GATA4: variants seen among roughly 807,000 people sequenced by gnomAD.
GATA4 encodes transcription factor GATA-4.
Under a neutral mutation model 37.9 loss-of-function variants are expected in GATA4, and 7 were observed. That is an observed-to-expected ratio of 0.18 (90% confidence interval 0.11 to 0.35). The LOEUF (loss-of-function observed/expected upper bound fraction) is 0.35, where lower values mean the gene tolerates loss of function less well. Among genes scored for constraint, GATA4 ranks in the 10% least tolerant of loss-of-function variants. GATA4 has a pLI of 1.00. For missense variants in GATA4, 647 were observed against 653.0 expected, an observed-to-expected ratio of 0.99 and a Z score of 0.10; for synonymous variants, 372 against 292.6, an observed-to-expected ratio of 1.27 and a Z score of -2.77.
intron 1 of GATA4, chr8:11,681,075 C>T (rs1798954847): frequency 1.0e-6 from 1 of 956,140 alleles, no homozygotes; most frequent in Non-Finnish European, 1.2e-6. Context: ...TTTGGAGGGA[C>T]ATTGAGGGGC....
rs755556215 is a variant in GATA4, at chr8:11,708,957, G to A, written c.616+29G>A. ...AGTAGGAGCGCGAGGGCTGGGGCGC[G>A]TGAGGGCCGGGGCAGGGGCCGTCTT... On this transcript the variant is annotated intron_variant, in intron 2 of 6. Coordinates refer to ENST00000532059, the MANE Select transcript of GATA4 (RefSeq NM_001308093.3). The surrounding 1 kb of genome is among the most constrained non-coding windows in gnomAD (Gnocchi z 6.7). The A allele has an allele frequency of 2.6e-6, 4 of 1,515,584 alleles. No individual in the cohort carries two copies. The South Asian group carries it at 4.9e-5, about 18-fold the overall frequency. The allele number at this position is 1,515,584 out of a possible 1,614,324, so 93.9% of individuals were successfully genotyped here.
At position 11,758,405 on chromosome 8, in the gene GATA4, C is replaced by G. The variant is rs114839964; in HGVS notation, c.1262C>G (p.Thr421Ser). 4.3e-6 allele frequency: 7 copies of G among 1,614,132 alleles called. No homozygotes were observed. Among genetic ancestry groups the G allele is most frequent in the Admixed American group, 1.7e-5 (1 of 60,016 alleles). Reference protein sequence around the residue: ...YASPVSQSPQTSSKQDSWNSL... With the variant: ...YASPVSQSPQSSSKQDSWNSL... ...TCTCCCGTCAGCCAGTCTCCACAGA[C>G]CAGCTCCAAGCAGGACTCTTGGAAC... Residue 421 changes from threonine to serine, a missense_variant, in exon 7 of 7, where the codon ACC becomes AGC. By Grantham distance (58) the Thr-to-Ser change is moderately conservative. Around this residue, in one of 5 missense-constraint regions of GATA4, gnomAD observed 184 missense variants for 157.1 expected, o/e 1.17. Coordinates refer to ENST00000532059, the MANE Select transcript of GATA4 (RefSeq NM_001308093.3).
chr8:11,681,037 G>C, intron 1 of GATA4: 2 of 939,616 alleles, frequency 2.1e-6, no homozygotes, highest in Non-Finnish European at 2.5e-6. Flanking sequence ...GCAAAGCACA[G>C]ATCTAATGCC....
intron 1 of GATA4, chr8:11,697,885 T>C: frequency 1.0e-6 from 1 of 985,438 alleles, no homozygotes; most frequent in Non-Finnish European, 1.2e-6. Context: ...CCGAGCTGGC[T>C]CAGGGAATGC....
intron 5 of GATA4, 53 bp downstream of exon 5, chr8:11,755,186 T>G: frequency 1.4e-6 from 2 of 1,478,826 alleles, no homozygotes; most frequent in South Asian, 2.3e-5. Flanking sequence ...GCCCTCAGAG[T>G]GCCTAAGAAT....
intron 1 of GATA4, among the ~76,000 whole-genome samples, chr8:11,687,347 A>C (rs1799171143): frequency 6.6e-6 from 1 of 152,142 alleles, no homozygotes; most frequent in Non-Finnish European, 1.5e-5. Flanking sequence ...AATTATCCAG[A>C]GAAGTATCCA....
chr8:11,712,628 G>C (rs180900174), intron 2 of GATA4, among the ~76,000 whole-genome samples: 1 of 151,782 alleles, frequency 6.6e-6, no homozygotes, highest in Non-Finnish European at 1.5e-5. Flanking sequence ...GGCTGAGGTG[G>C]GAGGATTGCT....
At chr8:11,735,509 C>A (rs1801408952) in intron 2 of GATA4, among the ~76,000 whole-genome samples, 2 of 152,218 alleles carry the variant, frequency 1.3e-5, no homozygotes, top group African/African-American at 4.8e-5. Flanking sequence ...ACCTCTGCCC[C>A]TGGAGATGGG....
intron 1 of GATA4, among the ~76,000 whole-genome samples, chr8:11,695,194 C>T (rs1209075623): frequency 6.6e-6 from 1 of 152,090 alleles, no homozygotes; most frequent in East Asian, 1.9e-4. Context: ...TCACCTGAGG[C>T]TGGGAGTTCG....
At chr8:11,678,012 AAATAATAATAATAAT>A (rs148395155) in intron 1 of GATA4, among the ~76,000 whole-genome samples, 2,729 of 141,900 alleles carry the variant, frequency 0.019, 73 homozygotes, top group African/African-American at 0.057. Flanking sequence ...GGCTGAGTCA[AAATAATAATAATAAT>A]AATAATAATA....
At chr8:11,758,215 G>A in intron 6 of GATA4, 78 bp from the exon 7 acceptor site, 1 of 1,459,894 alleles carries the variant, frequency 6.8e-7, no homozygotes, top group Admixed American at 1.7e-5. Context: ...TGCATAGCAG[G>A]GCACCCTCCC....
chr8:11,686,333 A>T (rs1269227912), intron 1 of GATA4, among the ~76,000 whole-genome samples: 1 of 152,200 alleles, frequency 6.6e-6, no homozygotes, highest in Non-Finnish European at 1.5e-5. Context: ...AATAAATTGC[A>T]TTCTGAATAT....
intron 6 of GATA4, among the ~76,000 whole-genome samples, chr8:11,757,901 A>G (rs1480493881): frequency 6.6e-6 from 1 of 152,208 alleles, no homozygotes; most frequent in Non-Finnish European, 1.5e-5. Context: ...ATTGTCTGGG[A>G]GAACCTGATC....
At chr8:11,697,871 C>A in intron 1 of GATA4, 1 of 985,476 alleles carries the variant, frequency 1.0e-6, no homozygotes, top group Non-Finnish European at 1.2e-6. Context: ...TTTGCGGAAA[C>A]GGGCCGAGCT....
upstream of GATA4, among the ~76,000 whole-genome samples, chr8:11,702,447 T>A (rs1166153445): frequency 6.6e-6 from 1 of 151,904 alleles, no homozygotes; most frequent in East Asian, 1.9e-4. The surrounding 1 kb of genome is among the most constrained non-coding windows in gnomAD (Gnocchi z 4.4). Context: ...GCCGCAGGCC[T>A]TGGCTTCGCG....
intron 1 of GATA4, among the ~76,000 whole-genome samples, chr8:11,679,793 C>G (rs1798896647): frequency 6.6e-6 from 1 of 152,106 alleles, no homozygotes; most frequent in Non-Finnish European, 1.5e-5. Context: ...TGGAGACCCC[C>G]GAATAATGGA....
chr8:11,747,823 A>T (rs1802104678), intron 2 of GATA4, among the ~76,000 whole-genome samples: 1 of 152,254 alleles, frequency 6.6e-6, no homozygotes, highest in African/African-American at 2.4e-5. Flanking sequence ...TGAGTGTATA[A>T]AGAATTTTAT....
chr8:11,722,663 T>C (rs547398640), intron 2 of GATA4, among the ~76,000 whole-genome samples: 2 of 152,228 alleles, frequency 1.3e-5, no homozygotes, highest in South Asian at 4.1e-4. Flanking sequence ...TTGACTGCCT[T>C]CTCTTCATGA....
At chr8:11,733,929 A>G (rs546061635) in intron 2 of GATA4, among the ~76,000 whole-genome samples, 1 of 152,320 alleles carries the variant, frequency 6.6e-6, no homozygotes, top group East Asian at 1.9e-4. Flanking sequence ...TGGTTCTGTC[A>G]TTACTTTTTG....
Sources: allele counts gnomAD v4.1 joint callset (sites outside exome capture counted in the v4.1 genomes callset), GRCh38; gene constraint gnomAD v4.1.1; regional missense constraint gnomAD v4.1.1; non-coding constraint Gnocchi (gnomAD v3.1); transcripts MANE v1.5; gene names NCBI Gene and HGNC (gene_info 2026-07-23, HGNC 2026-07-21).